KDM4A: variants seen among roughly 807,000 people sequenced by gnomAD.
KDM4A encodes the protein lysine-specific demethylase 4A.
KDM4A carries 23 observed loss-of-function variants against 127.1 expected under a neutral mutation model. That is an observed-to-expected ratio of 0.18 (90% CI 0.13 to 0.26). KDM4A has a LOEUF of 0.26. Ranked by LOEUF, KDM4A falls within the 10% of genes least tolerant of loss-of-function variation. KDM4A has a pLI of 1.00. For synonymous variants in KDM4A, 443 were observed against 466.5 expected (o/e 0.95, Z 0.65); for missense variants, 890 against 1,329.1 (o/e 0.67, Z 5.14).
intron 11 of KDM4A, among the ~76,000 whole-genome samples, chr1:43,677,429 T>G (rs1418438752): frequency 1.3e-5 from 2 of 151,724 alleles, no homozygotes; most frequent in African/African-American, 4.8e-5. Context: ...ACTACAAAAA[T>G]TCTTTAGCAT....
chr1:43,691,191 C>A, intron 14 of KDM4A, 142 bp downstream of exon 14: 2 of 857,018 alleles, frequency 2.3e-6, no homozygotes, highest in Non-Finnish European at 1.9e-6. Flanking sequence ...TGATTTTTCA[C>A]TGTCTCCAGG....
chr1:43,655,826 T>A, intron 3 of KDM4A, 60 bp downstream of exon 3: 1 of 1,417,804 alleles, frequency 7.1e-7, no homozygotes, highest in Non-Finnish European at 9.7e-7. Context: ...CTCATCCTCC[T>A]AGCATCTCCA....
Position 43,666,965 on chromosome 1 carries a change from G to A in KDM4A, c.789G>A (p.Glu263=), listed in dbSNP as rs1429629100. The change falls in exon 8 of 22, where the codon GAG becomes GAA. Residue 263 remains glutamate (E), a synonymous_variant. Transcript: ENST00000372396. ...CTGCTCTTGTTCAGGTGACTCAAGAGGCTGGAGAGTTTATGATCACTTTCC... is the reference window on the plus strand; with the variant it reads ...CTGCTCTTGTTCAGGTGACTCAAGAAGCTGGAGAGTTTATGATCACTTTCC... ...YGIPFDKVTQ[E]AGEFMITFPY... is the part of the protein sequence containing the mutation. 1.2e-6 allele frequency: 2 copies of A among 1,614,090 alleles called. No homozygotes were observed. The highest frequency in any genetic ancestry group is 2.2e-5 in the South Asian group (2 of 91,088).
At chr1:43,678,016 G>C (rs540312969) in intron 11 of KDM4A, among the ~76,000 whole-genome samples, 65 of 152,160 alleles carry the variant, frequency 4.3e-4, no homozygotes, top group Non-Finnish European at 8.4e-4. Context: ...ATAGGACTGG[G>C]TGACTGGATG....
intron 18 of KDM4A, among the ~76,000 whole-genome samples, chr1:43,696,244 A>G (rs573667248): frequency 6.6e-6 from 1 of 152,326 alleles, no homozygotes; most frequent in East Asian, 1.9e-4. Context: ...GTGGTCACTA[A>G]GTACCACAAA....
intron 2 of KDM4A, among the ~76,000 whole-genome samples, chr1:43,654,406 G>C (rs1300235806): frequency 1.3e-5 from 2 of 152,016 alleles, no homozygotes; most frequent in Non-Finnish European, 2.9e-5. Context: ...GTTTTTAAAA[G>C]AGAATGGCAT....
intron 11 of KDM4A, 144 bp from the exon 12 acceptor site, chr1:43,683,540 C>A (rs778026001): frequency 3.2e-5 from 31 of 980,072 alleles, no homozygotes; most frequent in Non-Finnish European, 4.6e-5. Context: ...TTGGCTTTTT[C>A]TAAGATAGGT....
chr1:43,653,162 A>T lies in KDM4A; in HGVS notation c.-14A>T. The T allele has an allele frequency of 6.2e-7, 1 of 1,607,324 alleles. No individual in the cohort carries two copies. The highest frequency in any genetic ancestry group is 2.2e-5 in the East Asian group (1 of 44,728). ...ATTCCTGTCTGACTAAAGGGACCTCAAAAAGGAGGGAAAATGGCTTCTGAG... is the reference window on the plus strand; with the variant it reads ...ATTCCTGTCTGACTAAAGGGACCTCTAAAAGGAGGGAAAATGGCTTCTGAG... On this transcript the variant is annotated 5_prime_UTR_variant, in exon 2 of 22. Transcript: ENST00000372396.
Position 43,704,126 on chromosome 1 carries a change from G to T in KDM4A, c.3054+14G>T, listed in dbSNP as rs1444372927. The T allele has an allele frequency of 6.2e-7, 1 of 1,612,988 alleles. No individual in the cohort carries two copies. Among genetic ancestry groups the T allele is most frequent in the East Asian group, 2.2e-5 (1 of 44,882 alleles). ...AAATCTAGACTGGTGAGTATTTTCT[G>T]TGTCCCCCCAGTTCCTGTCTTGGAG... On this transcript the variant is annotated intron_variant, in intron 21 of 21. Coordinates refer to ENST00000372396, the MANE Select transcript of KDM4A (RefSeq NM_014663.3).
intron 1 of KDM4A, among the ~76,000 whole-genome samples, chr1:43,651,227 A>G (rs1296236240): frequency 6.6e-6 from 1 of 152,246 alleles, no homozygotes; most frequent in African/African-American, 2.4e-5. Flanking sequence ...GGTCTTCAAA[A>G]TTAAATAAAC....
intron 1 of KDM4A, 116 bp from the exon 2 acceptor site, chr1:43,653,021 A>T (rs1660153391): frequency 1.7e-5 from 9 of 532,216 alleles, no homozygotes; most frequent in Non-Finnish European, 1.8e-5. Flanking sequence ...CCAGGTGTGA[A>T]GTCTTAACTG....
Position 43,666,469 on chromosome 1 carries a change from G to A in KDM4A, c.691G>A (p.Ala231Thr), listed in dbSNP as rs1660504298. Residue 231 changes from alanine to threonine, a missense_variant, in exon 7 of 22, where the codon GCT (alanine) becomes ACT (threonine). Ala to Thr is a moderately conservative substitution (Grantham distance 58, BLOSUM62 0). Coordinates refer to ENST00000372396, the MANE Select transcript of KDM4A (RefSeq NM_014663.3). Reference sequence around the variant, plus strand: ...TTAAATAGGCTTTTTCCCAGGAAGTGCTCAAAGCTGTGAGGCATTTCTCCG... The same window carrying A: ...TTAAATAGGCTTTTTCCCAGGAAGTACTCAAAGCTGTGAGGCATTTCTCCG... ...RLAKGFFPGS[A>T]QSCEAFLRHK... The A allele has an allele frequency of 6.2e-7, 1 of 1,614,126 alleles. No individual in the cohort carries two copies. Among genetic ancestry groups the A allele is most frequent in the Non-Finnish European group, 8.5e-7 (1 of 1,179,980 alleles).
intron 13 of KDM4A, chr1:43,690,489 C>T (rs941937499): frequency 8.7e-6 from 3 of 346,546 alleles, no homozygotes; most frequent in Admixed American, 8.0e-5. Flanking sequence ...CTCTGGTGAT[C>T]CACCCGCCTC....
intron 13 of KDM4A, 77 bp downstream of exon 13, chr1:43,689,172 C>A: frequency 1.4e-6 from 2 of 1,461,278 alleles, no homozygotes; most frequent in Non-Finnish European, 1.9e-6. Flanking sequence ...GAGTATATAG[C>A]TTGTCACTGG....
At chr1:43,667,546 CA>C in intron 8 of KDM4A, among the ~76,000 whole-genome samples, 1 of 152,166 alleles carries the variant, frequency 6.6e-6, no homozygotes. Flanking sequence ...AGTTAGTGCC[CA>C]GGTAGATTTG....
At position 43,662,925 on chromosome 1, in the gene KDM4A, G is replaced by A; in HGVS notation, c.461G>A (p.Arg154Lys). Residue 154 changes from arginine to lysine, a missense_variant, in exon 5 of 22, where the codon AGA becomes AAA. This residue lies in a region of KDM4A where 141 missense variants were observed against 273.5 expected (regional missense o/e 0.52). Transcript: ENST00000372396. The part of the protein sequence containing the change: ...HVDEWNIGRL[R>K]TILDLVEKES... ...GATGAGTGGAATATTGGCCGGCTGA[G>A]AACAATCCTGGACTTGGTGGAAAAG... 6.2e-7 allele frequency: 1 copy of A among 1,613,736 alleles called. No individual in the cohort carries two copies. Among genetic ancestry groups the A allele is most frequent in the Non-Finnish European group, 8.5e-7 (1 of 1,179,774 alleles).
Position 43,697,876 on chromosome 1 carries a change from G to A in KDM4A, c.2704G>A (p.Gly902Ser), listed in dbSNP as rs1331436218. Residue 902 changes from glycine (G) to serine (S), a missense_variant, in exon 19 of 22, where the codon GGC (glycine) becomes AGC (serine). Around this residue, in one of 7 missense-constraint regions of KDM4A, gnomAD observed 246 missense variants for 418.4 expected, o/e 0.59. Coordinates refer to ENST00000372396, the MANE Select transcript of KDM4A (RefSeq NM_014663.3). ...AKGALQSITA[G>S]QKVISKHKNG... is the part of the protein sequence containing the mutation. ...GGGGGCCTTGCAAAGCATCACTGCAGGCCAGAAAGTCATTAGCAAGCATAA... is the reference window on the plus strand; with the variant it reads ...GGGGGCCTTGCAAAGCATCACTGCAAGCCAGAAAGTCATTAGCAAGCATAA... 6.2e-7 allele frequency: 1 copy of A among 1,613,752 alleles called. No individual in the cohort carries two copies.
chr1:43,669,666 T>C (rs927692086), intron 10 of KDM4A, among the ~76,000 whole-genome samples: 1 of 151,276 alleles, frequency 6.6e-6, no homozygotes, highest in Admixed American at 6.6e-5. Context: ...TTTTTTTTTT[T>C]GAAATGGAGT....
intron 4 of KDM4A, 31 bp downstream of exon 4, chr1:43,660,443 G>C: frequency 6.4e-7 from 1 of 1,562,296 alleles, no homozygotes; most frequent in Non-Finnish European, 8.7e-7. Context: ...TCTGTGCAGT[G>C]TTTTTGTAAT....
Sources: gnomAD v4.1 joint callset for allele counts (sites outside exome capture counted in the v4.1 genomes callset) on GRCh38, gnomAD v4.1.1 for gene constraint, gnomAD v4.1.1 regional missense constraint, MANE v1.5 for transcripts, NCBI Gene and HGNC (gene_info 2026-07-23, HGNC 2026-07-21) for gene names.